The following HDAC8 variants were observed in gnomAD, a reference collection of about 807,000 sequenced individuals.
HDAC8 encodes histone deacetylase-like 1.
Under a neutral mutation model 32.2 loss-of-function variants are expected in HDAC8, and 1 was observed. The ratio of observed to expected loss-of-function variants is 0.03; its 90% CI spans 0.01 to 0.15. The LOEUF (loss-of-function observed/expected upper bound fraction) is 0.15. HDAC8 is among the 10% of genes least tolerant of loss of function. HDAC8 has a pLI of 1.00. For synonymous variants in HDAC8, 108 were observed against 113.9 expected, an observed-to-expected ratio of 0.95 and a Z score of 0.33; for missense variants, 117 against 300.0, an observed-to-expected ratio of 0.39 and a Z score of 4.51.
intron 1 of HDAC8, 52 bp downstream of exon 1, chrX:72,572,599 G>GGCCCCCCCC: frequency 3.5e-5 from 16 of 453,079 alleles, no homozygotes; most frequent in East Asian, 1.4e-4. Flanking sequence ...TTCGTCCACC[G>GGCCCCCCCC]CCCCCACCCC....
intron 7 of HDAC8, among the ~76,000 whole-genome samples, chrX:72,479,340 T>G (rs1556002025): frequency 9.0e-6 from 1 of 111,578 alleles, no homozygotes; most frequent in Non-Finnish European, 1.9e-5. Flanking sequence ...TAATATGAAT[T>G]TTGATGTTAG....
chrX:72,504,558 A>ACACACCC (rs1272137715), intron 4 of HDAC8, among the ~76,000 whole-genome samples: 1 of 111,206 alleles, frequency 9.0e-6, no homozygotes, highest in Non-Finnish European at 1.9e-5. Context: ...ACACACACCC[A>ACACACCC]CACACCCCAC....
chrX:72,566,515 T>G (rs1175986385), intron 4 of HDAC8, among the ~76,000 whole-genome samples: 3 of 112,065 alleles, frequency 2.7e-5, no homozygotes, highest in Non-Finnish European at 3.8e-5. Flanking sequence ...TCTGTCAATT[T>G]GATGGAAAAA....
chrX:72,334,769 A>G (rs1301195541), intron 10 of HDAC8, among the ~76,000 whole-genome samples: 4 of 111,600 alleles, frequency 3.6e-5, no homozygotes, highest in Non-Finnish European at 7.5e-5. Context: ...AACAGTCTTG[A>G]TTTATACCTA....
At chrX:72,416,406 C>CTTTTTTTTTTTTTTTTTTTTTTTT (rs2046334576) in intron 9 of HDAC8, among the ~76,000 whole-genome samples, 1 of 2,114 alleles carries the variant, frequency 4.7e-4, no homozygotes, top group Non-Finnish European at 1.1e-3. Context: ...TGTGTCTTCT[C>CTTTTTTTTTTTTTTTTTTTTTTTT]TGTTTTTTTT....
intron 10 of HDAC8, among the ~76,000 whole-genome samples, chrX:72,337,132 C>G (rs1024397474): frequency 8.9e-6 from 1 of 112,108 alleles, no homozygotes; most frequent in Non-Finnish European, 1.9e-5. Flanking sequence ...AACTCCTTTA[C>G]TGGATATGAA....
chrX:72,443,810 G>C (rs1281637678), intron 9 of HDAC8, among the ~76,000 whole-genome samples: 1 of 109,247 alleles, frequency 9.2e-6, no homozygotes, highest in Non-Finnish European at 1.9e-5. Context: ...AAGAAGAAAA[G>C]AGAGAAGAAT....
At chrX:72,377,051 C>T (rs782517515) in intron 9 of HDAC8, 1 of 110,654 alleles carries the variant, frequency 9.0e-6, no homozygotes, top group South Asian at 3.9e-4. Context: ...AGTCCTTATT[C>T]CATCTCCCTG....
At chrX:72,509,343 A>G (rs1313696375) in intron 4 of HDAC8, among the ~76,000 whole-genome samples, 1 of 110,943 alleles carries the variant, frequency 9.0e-6, no homozygotes, top group Non-Finnish European at 1.9e-5. Context: ...TCCTGATCTC[A>G]AGTGATCCGC....
rs2051423621 is a variant in HDAC8, at chrX:72,559,446, T to G, written c.437+8443A>C. Among the ~76,000 whole-genome samples the G allele has an allele frequency of 2.7e-5, 3 of 111,608 alleles. No homozygotes were observed. In the Admixed American group the frequency reaches 2.8e-4, roughly 11 times the overall value. On this transcript the variant is annotated intron_variant, in intron 4 of 10. Coordinates refer to ENST00000373573, the MANE Select transcript of HDAC8 (RefSeq NM_018486.3). ...AACCTCCACCTCCCAGCCGCCTGCCTTGGCCTCCCAAAGTGCCGAGATTGC... is the reference window on the plus strand; with the variant it reads ...AACCTCCACCTCCCAGCCGCCTGCCGTGGCCTCCCAAAGTGCCGAGATTGC...
intron 9 of HDAC8, among the ~76,000 whole-genome samples, chrX:72,440,544 T>G (rs1000033231): frequency 3.6e-5 from 4 of 111,740 alleles, no homozygotes; most frequent in Admixed American, 1.9e-4. Context: ...CATGAGCTGG[T>G]TTTTTGAAAA....
At position 72,408,446 on chromosome X, in the gene HDAC8, G is replaced by A. The variant is rs76471530; in HGVS notation, c.1005+53558C>T. On this transcript the variant is annotated intron_variant, in intron 9 of 10. Coordinates refer to ENST00000373573, the MANE Select transcript of HDAC8 (RefSeq NM_018486.3). ...TTTTGAGAGGAAGTCTCGTTCTGTCGCCCAGGCTGGAGTGCAATGGCACTA... is the reference window on the plus strand; with the variant it reads ...TTTTGAGAGGAAGTCTCGTTCTGTCACCCAGGCTGGAGTGCAATGGCACTA... 0.065 allele frequency among the ~76,000 whole-genome samples: 7,132 copies of A among 110,393 alleles called. 878 individuals carry two copies. In the East Asian group the frequency reaches 0.74, roughly 11 times the overall value.
At chrX:72,552,752 G>A (rs1452565457) in intron 4 of HDAC8, among the ~76,000 whole-genome samples, 1 of 107,593 alleles carries the variant, frequency 9.3e-6, no homozygotes, top group Non-Finnish European at 1.9e-5. Context: ...CTCCAGCCTA[G>A]GTGACAGAGT....
At chrX:72,483,666 AG>A (rs1391745902) in intron 7 of HDAC8, among the ~76,000 whole-genome samples, 1 of 111,947 alleles carries the variant, frequency 8.9e-6, no homozygotes, top group East Asian at 2.8e-4. Flanking sequence ...ACTCTTTTGT[AG>A]GAAGGTCAGA....
At chrX:72,343,751 C>A in intron 10 of HDAC8, among the ~76,000 whole-genome samples, 1 of 112,281 alleles carries the variant, frequency 8.9e-6, no homozygotes, top group East Asian at 2.8e-4. Context: ...AGCGATCCTC[C>A]TTCCTCAGCT....
chrX:72,433,909 C>A (rs1372161056), intron 9 of HDAC8, among the ~76,000 whole-genome samples: 1 of 112,029 alleles, frequency 8.9e-6, no homozygotes, highest in Non-Finnish European at 1.9e-5. Context: ...CTTACATAAG[C>A]CTCACTGAAG....
At position 72,413,217 on chromosome X, in the gene HDAC8, T is replaced by C. The variant is rs1001615242; in HGVS notation, c.1005+48787A>G. ...GTGCCATGTTGGTGTGCTGCACCCA[T>C]TAACTCATCATTTAACATTAAGTAT... On this transcript the variant is annotated intron_variant, in intron 9 of 10. Coordinates refer to ENST00000373573, the MANE Select transcript of HDAC8 (RefSeq NM_018486.3). Among the ~76,000 whole-genome samples, 9 of 109,128 alleles carry C rather than the reference T, an allele frequency of 8.2e-5. No individual in the cohort carries two copies. In the East Asian group the frequency reaches 1.2e-3, roughly 14 times the overall value. 94.8% of individuals were successfully genotyped at this position (109,128 alleles called of 115,157 possible).
At chrX:72,553,091 C>A (rs1556078650) in intron 4 of HDAC8, among the ~76,000 whole-genome samples, 2 of 111,140 alleles carry the variant, frequency 1.8e-5, no homozygotes, top group Non-Finnish European at 1.9e-5. Context: ...GTCGCCCAGG[C>A]TGGAGTGCAG....
chrX:72,572,563 G>A, intron 1 of HDAC8, 88 bp downstream of exon 1: 1 of 631,137 alleles, frequency 1.6e-6, no homozygotes, highest in Non-Finnish European at 2.5e-6. Flanking sequence ...CCCCAGCCCA[G>A]TGTCCTCTCC....
Sources: allele counts gnomAD v4.1 joint callset (sites outside exome capture counted in the v4.1 genomes callset), GRCh38; gene constraint gnomAD v4.1.1; transcripts MANE v1.5; gene names NCBI Gene and HGNC (gene_info 2026-07-23, HGNC 2026-07-21).